The following PDILT variants were observed in gnomAD, a reference collection of about 807,000 sequenced individuals.
The protein encoded by PDILT is protein disulfide-isomerase-like protein of the testis.
A neutral mutation model predicts 53.7 loss-of-function variants in PDILT; 43 were observed. The observed-to-expected ratio is 0.80, with a 90% CI of 0.63 to 1.03. The LOEUF is 1.03. Among genes scored for constraint, PDILT ranks in the 50% least tolerant of loss-of-function variants. The probability of loss-of-function intolerance (pLI) is 0.00; values close to 1 mark genes in which losing one functional copy is unlikely to be tolerated. For missense variants in PDILT, 727 were observed against 712.3 expected (o/e 1.02, Z -0.24); for synonymous variants, 282 against 274.2 (o/e 1.03, Z -0.28).
intron 2 of PDILT, among the ~76,000 whole-genome samples, chr16:20,392,791 T>C (rs1375498615): frequency 6.6e-6 from 1 of 152,218 alleles, no homozygotes; most frequent in Non-Finnish European, 1.5e-5. Flanking sequence ...AATTCAAGAA[T>C]GTGAAATTGA....
chr16:20,378,405 CTTG>C (rs1287023492), intron 3 of PDILT, among the ~76,000 whole-genome samples: 1 of 152,108 alleles, frequency 6.6e-6, no homozygotes, highest in Non-Finnish European at 1.5e-5. Flanking sequence ...TCTTCTCCTT[CTTG>C]TTCTTCTTCT....
At chr16:20,362,350 C>A in intron 10 of PDILT, 54 bp downstream of exon 10, 1 of 1,578,642 alleles carries the variant, frequency 6.3e-7, no homozygotes, top group Non-Finnish European at 8.6e-7. Context: ...AAACTGAGTC[C>A]CTGATAATAA....
chr16:20,363,465 GTGTATGTGTA>G (rs1464545043), intron 9 of PDILT, among the ~76,000 whole-genome samples: 3 of 109,750 alleles, frequency 2.7e-5, no homozygotes, highest in South Asian at 2.8e-4. Context: ...GTGTGTTTTT[GTGTATGTGTA>G]TGTGTGTGTG....
intron 8 of PDILT, 46 bp from the exon 9 acceptor site, chr16:20,365,586 T>C (rs2141702778): frequency 2.5e-6 from 4 of 1,596,534 alleles, no homozygotes; most frequent in Non-Finnish European, 3.4e-6. Context: ...TAAAGGGTCT[T>C]GAAGTTGTGG....
intron 2 of PDILT, among the ~76,000 whole-genome samples, chr16:20,390,193 C>T (rs1966591408): frequency 6.6e-6 from 1 of 152,156 alleles, no homozygotes; most frequent in African/African-American, 2.4e-5. Context: ...TGTCATCAAT[C>T]TCTTCTTGTT....
chr16:20,362,754 C>T (rs919472333), intron 9 of PDILT, among the ~76,000 whole-genome samples, 172 bp from the exon 10 acceptor site: 1 of 151,970 alleles, frequency 6.6e-6, no homozygotes, highest in East Asian at 1.9e-4. Flanking sequence ...GCAATAGTTC[C>T]CAATTGTTAT....
Position 20,372,803 on chromosome 16 carries a change from T to C in PDILT, c.917A>G (p.Lys306Arg). 1.2e-6 allele frequency: 2 copies of C among 1,613,908 alleles called. No homozygotes were observed. Among genetic ancestry groups the C allele is most frequent in the Non-Finnish European group, 1.7e-6 (2 of 1,179,846 alleles). The change falls in exon 7 of 12, where the codon AAG becomes AGG. Residue 306 changes from lysine (K) to arginine (R), a missense_variant and splice_region_variant. Coordinates refer to ENST00000302451, the MANE Select transcript of PDILT (RefSeq NM_174924.2). The part of the protein sequence containing the change: ...YKLASKEFQN[K>R]ILFILVDADE... ...AGAGCAATGGTGCACTCTACAAACC[T>C]TGTTTTGGAATTCCTTTGATGCCAG...
At chr16:20,394,013 A>T (rs892460363) in intron 2 of PDILT, among the ~76,000 whole-genome samples, 1 of 152,158 alleles carries the variant, frequency 6.6e-6, no homozygotes, top group African/African-American at 2.4e-5. Context: ...CTTAGTTTCA[A>T]TGTTATGGGA....
chr16:20,366,936 TTTCCTTCCTTCCTTCCTTCCTTCC>T (rs554919222), intron 8 of PDILT, among the ~76,000 whole-genome samples: 395 of 35,436 alleles, frequency 0.011, 7 homozygotes, highest in Middle Eastern at 0.029. Flanking sequence ...AACCAAATTC[TTTCCTTCCTTCCTTCCTTCCTTCC>T]TTCCTTCCTT....
At chr16:20,384,056 T>C (rs990351132) in intron 3 of PDILT, among the ~76,000 whole-genome samples, 14 of 152,214 alleles carry the variant, frequency 9.2e-5, no homozygotes, top group African/African-American at 3.1e-4. Context: ...CAAGCCTGTC[T>C]TGTTCCATCA....
intron 1 of PDILT, among the ~76,000 whole-genome samples, chr16:20,403,380 C>T (rs149775825): frequency 0.01 from 1,569 of 152,270 alleles, 25 homozygotes; most frequent in African/African-American, 0.036. Context: ...GCCTCCGCCT[C>T]CTGGGTTTAA....
chr16:20,366,589 T>C (rs1356814030), intron 8 of PDILT, among the ~76,000 whole-genome samples: 2 of 152,256 alleles, frequency 1.3e-5, no homozygotes, highest in African/African-American at 4.8e-5. Context: ...GAGCATCCAT[T>C]GCCTGTTACA....
chr16:20,377,945 C>T (rs1461657375), intron 3 of PDILT, among the ~76,000 whole-genome samples: 5 of 151,458 alleles, frequency 3.3e-5, no homozygotes, highest in African/African-American at 4.9e-5. Context: ...TAGGGCAAGA[C>T]TCTGTCTTTA....
rs1966357231 is a variant in PDILT at position 20,374,685 on chromosome 16, CTG to C, written c.681+135_681+136del. 12 of 957,390 alleles carry C rather than the reference CTG, an allele frequency of 1.3e-5. No homozygotes were observed. In the East Asian group the frequency reaches 3.0e-4, roughly 24 times the overall value. 59.3% of individuals were successfully genotyped at this position (957,390 alleles called of 1,614,324 possible). ...GAAAGGTTGGAGCAACACTGGGAGA[CTG>C]TGACTTCACAGAAGTCAACTAGTCC... On this transcript the variant is annotated intron_variant, in intron 5 of 11. Transcript: ENST00000302451.
chr16:20,399,066 C>CT, intron 2 of PDILT, 33 bp downstream of exon 2: 1 of 1,613,040 alleles, frequency 6.2e-7, no homozygotes, highest in South Asian at 1.1e-5. Context: ...CTCATCCCAT[C>CT]TATCATCCAT....
intron 2 of PDILT, among the ~76,000 whole-genome samples, chr16:20,390,308 C>T (rs1966593056): frequency 6.6e-6 from 1 of 152,158 alleles, no homozygotes; most frequent in Admixed American, 6.6e-5. Context: ...TAGTCCTCTT[C>T]TCTTCAGAAA....
chr16:20,391,780 A>C (rs1966609422), intron 2 of PDILT, among the ~76,000 whole-genome samples: 2 of 152,032 alleles, frequency 1.3e-5, no homozygotes, highest in Admixed American at 1.3e-4. Flanking sequence ...GGTTAAAAAG[A>C]AGGCAGTGGG....
chr16:20,367,079 C>T (rs1966220746), intron 8 of PDILT, among the ~76,000 whole-genome samples: 1 of 120,186 alleles, frequency 8.3e-6, no homozygotes, highest in Non-Finnish European at 1.7e-5. Flanking sequence ...TTCTTTCTTT[C>T]TTTCTTTCTT....
intron 3 of PDILT, among the ~76,000 whole-genome samples, chr16:20,381,054 A>G (rs1245765821): frequency 6.6e-6 from 1 of 152,240 alleles, no homozygotes; most frequent in African/African-American, 2.4e-5. Flanking sequence ...ACTGGGCTGC[A>G]TATTTCCAGG....
Sources: gnomAD v4.1 joint callset for allele counts (sites outside exome capture counted in the v4.1 genomes callset) on GRCh38, gnomAD v4.1.1 for gene constraint, MANE v1.5 for transcripts, NCBI Gene and HGNC (gene_info 2026-07-23, HGNC 2026-07-21) for gene names.